The following PRKG1 variants were observed in gnomAD, a reference collection of about 807,000 sequenced individuals.
PRKG1 encodes protein kinase cGMP-dependent 1.
A neutral mutation model predicts 88.1 loss-of-function variants in PRKG1; 35 were observed. That is an observed-to-expected ratio of 0.40 (90% CI 0.30 to 0.53). The LOEUF (loss-of-function observed/expected upper bound fraction) is 0.53, where lower values mean the gene tolerates loss of function less well. PRKG1 is among the 20% of genes least tolerant of loss of function. The probability of loss-of-function intolerance (pLI) is 0.59; values close to 1 mark genes in which losing one functional copy is unlikely to be tolerated. For missense variants in PRKG1, 540 were observed against 839.8 expected (o/e 0.64, Z 4.41); for synonymous variants, 303 against 292.5 (o/e 1.04, Z -0.37).
rs576947342 is a variant in PRKG1 at position 51,285,002 on chromosome 10, G to A, written c.478+131672G>A. ...GCTGGTGCGCTGCACCCACTAACTCGTCATCTAGCATTAGGTATATCTCCC... is the reference window on the plus strand; with the variant it reads ...GCTGGTGCGCTGCACCCACTAACTCATCATCTAGCATTAGGTATATCTCCC... On this transcript the variant is annotated intron_variant, in intron 2 of 17. Coordinates refer to ENST00000373980, the MANE Select transcript of PRKG1 (RefSeq NM_006258.4). 7.1e-5 allele frequency among the ~76,000 whole-genome samples: 10 copies of A among 141,706 alleles called. No individual in the cohort carries two copies. The East Asian group carries it at 1.7e-3, about 24-fold the overall frequency. The allele number at this position is 141,706 out of a possible 152,430, so 93.0% of individuals were successfully genotyped here. A position where few individuals can be genotyped will look rare whatever the true frequency, so the allele number is the denominator to read the frequency against.
At chr10:52,034,919 T>A (rs1028074724) in intron 5 of PRKG1, among the ~76,000 whole-genome samples, 13 of 152,130 alleles carry the variant, frequency 8.5e-5, no homozygotes, top group Non-Finnish European at 1.8e-4. Context: ...GAAGGGAAAG[T>A]GGTAAAAGTA....
chr10:51,541,411 T>G (rs2132111954), intron 3 of PRKG1, among the ~76,000 whole-genome samples: 1 of 152,146 alleles, frequency 6.6e-6, no homozygotes, highest in Non-Finnish European at 1.5e-5. Context: ...GTTAGAGGAC[T>G]AAAGTAAACA....
rs568298385 is a variant in PRKG1, at chr10:51,018,637, C to T, written c.266+26993C>T. Reference sequence around the variant, plus strand: ...GGTCAACATTCTTATTTCCATTAATCACTCAGGACAGAATCATACCTAACT... The same window carrying T: ...GGTCAACATTCTTATTTCCATTAATTACTCAGGACAGAATCATACCTAACT... On this transcript the variant is annotated intron_variant, in intron 1 of 17. Coordinates refer to the PRKG1 transcript ENST00000401604. Among the ~76,000 whole-genome samples the T allele has an allele frequency of 3.7e-4, 56 of 152,280 alleles. 1 individual carries two copies. In the South Asian group the frequency reaches 0.011, roughly 30 times the overall value.
At chr10:52,162,052 C>T in intron 9 of PRKG1, 89 bp downstream of exon 9, 1 of 1,109,492 alleles carries the variant, frequency 9.0e-7, no homozygotes, top group Non-Finnish European at 1.3e-6. Context: ...CACATCCCAA[C>T]ACTCTGACAG....
At chr10:51,169,874 T>C (rs1297743250) in intron 2 of PRKG1, among the ~76,000 whole-genome samples, 2 of 152,118 alleles carry the variant, frequency 1.3e-5, no homozygotes, top group South Asian at 4.1e-4. Flanking sequence ...CCCATTGATC[T>C]GCCCTGCTTC....
intron 4 of PRKG1, among the ~76,000 whole-genome samples, chr10:51,885,840 G>A (rs1457794008): frequency 6.6e-6 from 1 of 151,994 alleles, no homozygotes; most frequent in African/African-American, 2.4e-5. Context: ...CAAAGCACAT[G>A]ATTACCTCTT....
At chr10:51,230,365 G>T (rs1198163903) in intron 2 of PRKG1, among the ~76,000 whole-genome samples, 2 of 152,170 alleles carry the variant, frequency 1.3e-5, no homozygotes, top group Admixed American at 6.5e-5. Context: ...ATTCATATAT[G>T]TGTGCATAGG....
chr10:51,002,114 G>T (rs1479492195), intron 1 of PRKG1, among the ~76,000 whole-genome samples: 1 of 151,878 alleles, frequency 6.6e-6, no homozygotes, highest in African/African-American at 2.4e-5. Context: ...CCCCTATGAG[G>T]AAACCTCTGG....
intron 3 of PRKG1, among the ~76,000 whole-genome samples, chr10:51,719,568 A>G (rs936561712): frequency 6.6e-6 from 1 of 152,236 alleles, no homozygotes; most frequent in African/African-American, 2.4e-5. Context: ...AGGAGATACA[A>G]CAGTTAAATG....
At chr10:51,054,489 A>G (rs1843604339) in intron 1 of PRKG1, among the ~76,000 whole-genome samples, 1 of 152,158 alleles carries the variant, frequency 6.6e-6, no homozygotes, top group Admixed American at 6.5e-5. Context: ...CCCTATTCCA[A>G]TAGAGTTCCA....
intron 2 of PRKG1, among the ~76,000 whole-genome samples, chr10:51,437,026 C>T (rs1229952109): frequency 6.6e-6 from 1 of 151,954 alleles, no homozygotes; most frequent in Non-Finnish European, 1.5e-5. Flanking sequence ...ATCTCTTTGC[C>T]AGTAAGCTGG....
At chr10:52,105,917 C>T (rs1847409795) in intron 7 of PRKG1, among the ~76,000 whole-genome samples, 1 of 151,930 alleles carries the variant, frequency 6.6e-6, no homozygotes, top group Non-Finnish European at 1.5e-5. Flanking sequence ...GTGCACCCAT[C>T]ACTCAAGCAG....
chr10:52,003,531 C>T (rs1255044583), intron 5 of PRKG1, among the ~76,000 whole-genome samples: 1 of 152,152 alleles, frequency 6.6e-6, no homozygotes, highest in Non-Finnish European at 1.5e-5. Context: ...CCTTTTCTTG[C>T]CCCTCCCAAC....
chr10:51,542,245 G>A (rs1842321732), intron 3 of PRKG1, among the ~76,000 whole-genome samples: 1 of 152,114 alleles, frequency 6.6e-6, no homozygotes, highest in East Asian at 1.9e-4. Context: ...AATAGAGAGA[G>A]AGAATTTGGA....
chr10:52,268,581 T>A lies in PRKG1; in HGVS notation c.1174-2769T>A, dbSNP rs145540052. On this transcript the variant is annotated intron_variant, in intron 10 of 17. Coordinates refer to ENST00000373980, the MANE Select transcript of PRKG1 (RefSeq NM_006258.4). ...TTCAGTTTATCTCACAGTCCATGAG[T>A]TAGTCGATTCCGTTAAACTCTGATT... Among the ~76,000 whole-genome samples the A allele has an allele frequency of 1.2e-3, 175 of 152,142 alleles. 1 individual carries two copies. Among genetic ancestry groups the A allele is most frequent in the African/African-American group, 4.1e-3 (172 of 41,534 alleles).
At chr10:52,278,469 C>T (rs1189381911) in intron 12 of PRKG1, among the ~76,000 whole-genome samples, 2 of 152,036 alleles carry the variant, frequency 1.3e-5, no homozygotes, top group Non-Finnish European at 2.9e-5. Context: ...GGGTATATAC[C>T]CAAAGATTAT....
intron 4 of PRKG1, among the ~76,000 whole-genome samples, chr10:51,849,642 T>A (rs1840493035): frequency 6.6e-6 from 1 of 152,192 alleles, no homozygotes; most frequent in Non-Finnish European, 1.5e-5. Flanking sequence ...CAACCATCTT[T>A]TTCTCCAAAC....
intron 1 of PRKG1, among the ~76,000 whole-genome samples, chr10:51,027,463 T>C (rs1843222357): frequency 6.6e-6 from 1 of 152,234 alleles, no homozygotes; most frequent in Non-Finnish European, 1.5e-5. Flanking sequence ...TTGGTACTTA[T>C]TCTTTGTTAT....
At chr10:51,057,064 T>A (rs1008265669) in intron 1 of PRKG1, among the ~76,000 whole-genome samples, 2 of 152,236 alleles carry the variant, frequency 1.3e-5, no homozygotes, top group Non-Finnish European at 2.9e-5. Context: ...AGTAAGTTCT[T>A]TTATTGAAAT....
Sources: allele counts gnomAD v4.1 joint callset (sites outside exome capture counted in the v4.1 genomes callset), GRCh38; gene constraint gnomAD v4.1.1; transcripts MANE v1.5; gene names NCBI Gene and HGNC (gene_info 2026-07-23, HGNC 2026-07-21).